GDAP1L1: variants seen among roughly 807,000 people sequenced by gnomAD.
GDAP1L1 encodes the protein ganglioside induced differentiation associated protein 1 like 1, also known as ganglioside-induced differentiation-associated protein 1-like 1.
Under a neutral mutation model 37.1 loss-of-function variants are expected in GDAP1L1, and 21 were observed. The observed-to-expected ratio is 0.57, with a 90% CI of 0.40 to 0.81. GDAP1L1 has a LOEUF of 0.81. Ranked by LOEUF, GDAP1L1 falls within the 40% of genes least tolerant of loss-of-function variation. The probability of loss-of-function intolerance (pLI) is 0.00; values close to 1 mark genes in which losing one functional copy is unlikely to be tolerated. For missense variants in GDAP1L1, 362 were observed against 491.6 expected, an observed-to-expected ratio of 0.74 and a Z score of 2.49; for synonymous variants, 193 against 209.1, an observed-to-expected ratio of 0.92 and a Z score of 0.67.
chr20:44,277,811 G>C (rs1310750297), intron 5 of GDAP1L1, among the ~76,000 whole-genome samples: 1 of 152,166 alleles, frequency 6.6e-6, no homozygotes. Context: ...GTTATCTGAA[G>C]ACAATGCTGA....
intron 5 of GDAP1L1, among the ~76,000 whole-genome samples, chr20:44,265,813 A>G (rs1007318821): frequency 6.6e-6 from 1 of 152,154 alleles, no homozygotes; most frequent in Admixed American, 6.5e-5. Flanking sequence ...GGCAGCTCAT[A>G]GATGTCATGG....
At chr20:44,251,513 T>C (rs951375054) in intron 1 of GDAP1L1, among the ~76,000 whole-genome samples, 3 of 152,246 alleles carry the variant, frequency 2.0e-5, no homozygotes, top group Non-Finnish European at 4.4e-5. Context: ...TTTCCCACCC[T>C]GCCCTTGCCT....
chr20:44,264,610 C>T (rs1260721458), intron 5 of GDAP1L1, 51 bp downstream of exon 5: 1 of 1,587,536 alleles, frequency 6.3e-7, no homozygotes. Flanking sequence ...CCAGCCTACT[C>T]TTCCCCTGCC....
chr20:44,260,296 AAAC>A (rs1216728650), intron 3 of GDAP1L1, among the ~76,000 whole-genome samples: 4 of 151,740 alleles, frequency 2.6e-5, no homozygotes, highest in Non-Finnish European at 1.5e-5. Context: ...AAAAAAAAAA[AAAC>A]AACATCTAGT....
chr20:44,278,747 TA>T (rs1391624752), intron 5 of GDAP1L1, among the ~76,000 whole-genome samples: 3 of 148,978 alleles, frequency 2.0e-5, no homozygotes, highest in South Asian at 4.2e-4. Context: ...AACAAAAGAA[TA>T]AAAAAAAAGA....
chr20:44,274,655 G>A (rs763788567), intron 5 of GDAP1L1, among the ~76,000 whole-genome samples: 54 of 152,092 alleles, frequency 3.6e-4, no homozygotes, highest in African/African-American at 5.3e-4. Context: ...CCTGAAAGGC[G>A]GCTCCTTCTT....
chr20:44,276,168 C>CAA (rs58388010), intron 5 of GDAP1L1, among the ~76,000 whole-genome samples: 5 of 137,626 alleles, frequency 3.6e-5, no homozygotes, highest in African/African-American at 5.3e-5. Context: ...GTAAAAATAC[C>CAA]AAAAAAAAAA....
At chr20:44,257,486 G>A in intron 2 of GDAP1L1, 141 bp downstream of exon 2, 1 of 878,216 alleles carries the variant, frequency 1.1e-6, no homozygotes, top group Non-Finnish European at 1.7e-6. Flanking sequence ...TCCCCAAAAA[G>A]GAGCCACAGA....
chr20:44,277,663 C>T (rs1176589143), intron 5 of GDAP1L1, among the ~76,000 whole-genome samples: 1 of 152,090 alleles, frequency 6.6e-6, no homozygotes, highest in Non-Finnish European at 1.5e-5. Flanking sequence ...GGCTGCTGTG[C>T]TAAGAATAGA....
intron 1 of GDAP1L1, among the ~76,000 whole-genome samples, chr20:44,253,714 C>T (rs2073487912): frequency 6.6e-6 from 1 of 152,256 alleles, no homozygotes; most frequent in Non-Finnish European, 1.5e-5. Context: ...AATGCCCTTC[C>T]CTTAGGCTTG....
intron 5 of GDAP1L1, 78 bp downstream of exon 5, chr20:44,264,637 T>C: frequency 6.5e-7 from 1 of 1,546,756 alleles, no homozygotes; most frequent in Non-Finnish European, 8.8e-7. Flanking sequence ...CAGCCTCTTT[T>C]TTCCGCAAAA....
intron 1 of GDAP1L1, 52 bp from the exon 2 acceptor site, chr20:44,257,099 CAG>C: frequency 6.7e-7 from 1 of 1,494,910 alleles, no homozygotes; most frequent in Non-Finnish European, 8.9e-7. Context: ...CCCACCTGGG[CAG>C]AGTGTCCCCT....
chr20:44,279,488 A>G lies in GDAP1L1; in HGVS notation c.*188A>G. 1.4e-6 allele frequency: 1 copy of G among 710,006 alleles called. No individual in the cohort carries two copies. Among genetic ancestry groups the G allele is most frequent in the Non-Finnish European group, 2.6e-6 (1 of 381,936 alleles). The allele number at this position is 710,006 out of a possible 1,614,324, so 44.0% of individuals were successfully genotyped here. A position where few individuals can be genotyped will look rare whatever the true frequency, so the allele number is the denominator to read the frequency against. ...GTAGACGTTGCCAATGCTGTGACTC[A>G]AGGCCACGGCTCTACTAAAAGAGAG... On this transcript the variant is annotated 3_prime_UTR_variant, in exon 6 of 6. Coordinates refer to ENST00000342560, the MANE Select transcript of GDAP1L1 (RefSeq NM_024034.6).
intron 1 of GDAP1L1, among the ~76,000 whole-genome samples, chr20:44,253,914 G>T (rs76673328): frequency 0.015 from 2,303 of 152,346 alleles, 54 homozygotes; most frequent in African/African-American, 0.052. Context: ...GGAGACCCAG[G>T]GTAGAGCATG....
Position 44,257,235 on chromosome 20 carries a change from G to T in GDAP1L1, c.263G>T (p.Trp88Leu). ...CCACAGAGCGAGCACAAGGAGCCCT[G>T]GTTCATGCGGCTCAACCTGGGCGAG... ...SLPQSEHKEP[W>L]FMRLNLGEEV... Residue 88 changes from tryptophan to leucine, a missense_variant, in exon 2 of 6, where the codon TGG (tryptophan) becomes TTG (leucine). Physicochemically the swap from Trp to Leu is moderately conservative, Grantham distance 61. Around this residue, in one of 2 missense-constraint regions of GDAP1L1, gnomAD observed 277 missense variants for 337.1 expected, o/e 0.82. Coordinates refer to ENST00000342560, the MANE Select transcript of GDAP1L1 (RefSeq NM_024034.6). 4 of 1,613,186 alleles carry T rather than the reference G, an allele frequency of 2.5e-6. No individual in the cohort carries two copies. The highest frequency in any genetic ancestry group is 3.4e-6 in the Non-Finnish European group (4 of 1,179,660).
Position 44,279,204 on chromosome 20 carries a change from G to T in GDAP1L1, c.1008G>T (p.Arg336Ser). ...CCAATGCTTTCCGGCTGGTCAAGAG[G>T]AAACCCCCATCCTTCTTCGGGGCGT... ...VIPNAFRLVK[R>S]KPPSFFGASF... The change falls in exon 6 of 6, where the codon AGG (arginine) becomes AGT (serine). Residue 336 changes from arginine (R) to serine (S), a missense_variant. Around this residue, in one of 2 missense-constraint regions of GDAP1L1, gnomAD observed 85 missense variants for 154.4 expected, o/e 0.55. Coordinates refer to ENST00000342560, the MANE Select transcript of GDAP1L1 (RefSeq NM_024034.6). 1 of 1,614,154 alleles carries T rather than the reference G, an allele frequency of 6.2e-7. No individual in the cohort carries two copies. Among genetic ancestry groups the T allele is most frequent in the Admixed American group, 1.7e-5 (1 of 60,016 alleles).
In GDAP1L1 at chr20:44,279,121, T is replaced by C. The variant is rs776970293; in HGVS notation, c.925T>C (p.Phe309Leu). ...QSFFERVQRR[F>L]AFRKVLGDIH... ...CTTCTTTGAGAGGGTCCAGAGACGC[T>C]TTGCCTTCCGGAAAGTCCTGGGTGA... Residue 309 changes from phenylalanine to leucine, a missense_variant, in exon 6 of 6, where the codon TTT becomes CTT. Transcript: ENST00000342560. 5 of 1,614,060 alleles carry C rather than the reference T, an allele frequency of 3.1e-6. No individual in the cohort carries two copies. In the African/African-American group the frequency reaches 4.0e-5, roughly 13 times the overall value.
At position 44,273,554 on chromosome 20, in the gene GDAP1L1, G is replaced by A. The variant is rs1376102655; in HGVS notation, c.761-5403G>A. On this transcript the variant is annotated intron_variant, in intron 5 of 5. Transcript: ENST00000342560. ...TTCGTGCCTGCACATTCAACTCCCT[G>A]GCCCTCCATACTTGCTTTGCAAAAC... Among the ~76,000 whole-genome samples the A allele has an allele frequency of 2.6e-5, 4 of 152,298 alleles. No homozygotes were observed. The East Asian group carries it at 7.7e-4, about 29-fold the overall frequency.
Position 44,279,412 on chromosome 20 carries a change from T to C in GDAP1L1, c.*112T>C. 1 of 755,444 alleles carries C rather than the reference T, an allele frequency of 1.3e-6. No homozygotes were observed. The highest frequency in any genetic ancestry group is 2.4e-6 in the Non-Finnish European group (1 of 423,612). The allele number at this position is 755,444 out of a possible 1,614,324, so 46.8% of individuals were successfully genotyped here. Reference sequence around the variant, plus strand: ...AACACTTGGACAGCCCTCCCCGCCCTTCGTTCTGAGTAATAATACCGTCAG... The same window carrying C: ...AACACTTGGACAGCCCTCCCCGCCCCTCGTTCTGAGTAATAATACCGTCAG... On this transcript the variant is annotated 3_prime_UTR_variant, in exon 6 of 6. Coordinates refer to ENST00000342560, the MANE Select transcript of GDAP1L1 (RefSeq NM_024034.6).
Sources: allele counts gnomAD v4.1 joint callset (sites outside exome capture counted in the v4.1 genomes callset), GRCh38; gene constraint gnomAD v4.1.1; regional missense constraint gnomAD v4.1.1; transcripts MANE v1.5; gene names NCBI Gene and HGNC (gene_info 2026-07-23, HGNC 2026-07-21).